The following RYR3 variants were observed in gnomAD, a reference collection of about 807,000 sequenced individuals.
RYR3 encodes ryanodine receptor 3.
RYR3 carries 207 observed loss-of-function variants against 584.3 expected under a neutral mutation model. The observed-to-expected ratio is 0.35, with a 90% CI of 0.32 to 0.40. The LOEUF (loss-of-function observed/expected upper bound fraction) is 0.40. RYR3 is among the 10% of genes least tolerant of loss of function. The pLI, the probability that RYR3 is intolerant of heterozygous loss-of-function variation, is 1.00. For missense variants in RYR3, 5,616 were observed against 6,089.2 expected (o/e 0.92, Z 2.59); for synonymous variants, 2,416 against 2,248.5 (o/e 1.07, Z -2.11).
At chr15:33,687,130 C>T (rs1596156077) in intron 38 of RYR3, among the ~76,000 whole-genome samples, 1 of 152,214 alleles carries the variant, frequency 6.6e-6, no homozygotes, top group East Asian at 1.9e-4. Context: ...TCAAATTGTC[C>T]CTGTTTGCCA....
chr15:33,497,546 A>G (rs2051548706), intron 2 of RYR3, among the ~76,000 whole-genome samples: 1 of 152,160 alleles, frequency 6.6e-6, no homozygotes, highest in Non-Finnish European at 1.5e-5. Context: ...CTCCTAATTT[A>G]TCTCTCTGCT....
At chr15:33,313,300 A>G (rs973287950) in intron 1 of RYR3, among the ~76,000 whole-genome samples, 1 of 152,216 alleles carries the variant, frequency 6.6e-6, no homozygotes, top group African/African-American at 2.4e-5. Context: ...AATTTTCATT[A>G]TACAATGTTC....
intron 2 of RYR3, among the ~76,000 whole-genome samples, chr15:33,498,919 T>G (rs940370788): frequency 6.6e-6 from 1 of 152,198 alleles, no homozygotes; most frequent in African/African-American, 2.4e-5. Context: ...CAGCACCATT[T>G]GTTGAAGAGA....
At chr15:33,746,020 G>A (rs555022622) in intron 52 of RYR3, 48 bp from the exon 53 acceptor site, 38 of 1,237,348 alleles carry the variant, frequency 3.1e-5, no homozygotes, top group African/African-American at 2.4e-4. Context: ...GTCACATAGC[G>A]GGGTTCTTTG....
rs143018457 is a variant in RYR3 at position 33,596,043 on chromosome 15, T to C, written c.1789-5376T>C. 6.2e-3 allele frequency among the ~76,000 whole-genome samples: 930 copies of C among 151,126 alleles called. 6 individuals carry two copies. Among genetic ancestry groups the C allele is most frequent in the African/African-American group, 0.017 (715 of 41,242 alleles). ...ATTTACCATACAAGATTCTTTCTTA[T>C]ATAAAATTATTTCTCTTTAAGTTTT... is the stretch of plus-strand genomic sequence containing the variant. On this transcript the variant is annotated intron_variant, in intron 16 of 103. Coordinates refer to ENST00000634891, the MANE Select transcript of RYR3 (RefSeq NM_001036.6).
At chr15:33,864,284 C>A in intron 103 of RYR3, 95 bp downstream of exon 103, 1 of 919,330 alleles carries the variant, frequency 1.1e-6, no homozygotes, top group South Asian at 1.6e-5. Context: ...CATACATGGC[C>A]CCATTAATCC....
At position 33,705,324 on chromosome 15, in the gene RYR3, C is replaced by T. The variant is rs146152581; in HGVS notation, c.6484-1595C>T. ...GTGATAGATTCTTGCTGAGTTTGGC[C>T]TTATTTTTATTATACTTGCAAAATA... On this transcript the variant is annotated intron_variant, in intron 42 of 103. Coordinates refer to ENST00000634891, the MANE Select transcript of RYR3 (RefSeq NM_001036.6). 7.9e-5 allele frequency among the ~76,000 whole-genome samples: 12 copies of T among 152,146 alleles called. No homozygotes were observed. In the East Asian group the frequency reaches 2.3e-3, roughly 29 times the overall value.
chr15:33,766,517 G>C (rs1179133130), intron 60 of RYR3, among the ~76,000 whole-genome samples: 1 of 152,204 alleles, frequency 6.6e-6, no homozygotes, highest in Non-Finnish European at 1.5e-5. Context: ...GAGATATTCA[G>C]ATAATCCAAC....
chr15:33,488,701 A>C (rs1027651710), intron 2 of RYR3, among the ~76,000 whole-genome samples: 1 of 152,008 alleles, frequency 6.6e-6, no homozygotes. Context: ...AAATACAAAA[A>C]ATTAGCCAGG....
chr15:33,765,027 T>G (rs1351929991), intron 60 of RYR3, among the ~76,000 whole-genome samples: 2 of 18,356 alleles, frequency 1.1e-4, no homozygotes, highest in Admixed American at 6.7e-4. Flanking sequence ...CAAGACTTCG[T>G]CTCAAAAAAA....
At chr15:33,367,680 T>G (rs1975698396) in intron 1 of RYR3, among the ~76,000 whole-genome samples, 2 of 152,150 alleles carry the variant, frequency 1.3e-5, no homozygotes, top group African/African-American at 2.4e-5. Flanking sequence ...ACACTATGAT[T>G]TCAAAACAAA....
chr15:33,738,254 CAAGCTGACTGTTCCCAGCTTGA>C, intron 49 of RYR3, among the ~76,000 whole-genome samples, 174 bp from the exon 50 acceptor site: 1 of 152,272 alleles, frequency 6.6e-6, no homozygotes, highest in South Asian at 2.1e-4. Flanking sequence ...CGCTCAGGCT[CAAGCTGACTGTTCCCAGCTTGA>C]GAGCAGACTG....
At position 33,473,445 on chromosome 15, in the gene RYR3, C is replaced by T. The variant is rs199968653; in HGVS notation, c.78C>T (p.Ile26=). 2.3e-5 allele frequency: 37 copies of T among 1,613,742 alleles called. No individual in the cohort carries two copies. Among genetic ancestry groups the T allele is most frequent in the South Asian group, 5.5e-5 (5 of 91,088 alleles). The part of the protein sequence containing the change: ...RTEDEVVLQC[I]ATIHKEQRKF... The stretch of plus-strand genomic sequence containing the variant: ...AGGATGAAGTGGTACTCCAGTGCAT[C>T]GCCACCATTCATAAGGAGCAGAGGA... The change falls in exon 2 of 104, where the codon ATC becomes ATT. Residue 26 remains isoleucine, a synonymous_variant. Transcript: ENST00000634891.
At chr15:33,427,559 G>A (rs1006665642) in intron 1 of RYR3, among the ~76,000 whole-genome samples, 1 of 152,026 alleles carries the variant, frequency 6.6e-6, no homozygotes, top group African/African-American at 2.4e-5. Context: ...TTCTCGTTTT[G>A]AAAAATACTT....
intron 99 of RYR3, 181 bp downstream of exon 99, chr15:33,858,095 G>A: frequency 1.2e-6 from 1 of 810,128 alleles, no homozygotes; most frequent in Non-Finnish European, 1.9e-6. Context: ...GTCCTGGGAA[G>A]ACAGAAGTGA....
intron 18 of RYR3, 45 bp downstream of exon 18, chr15:33,603,409 GA>G (rs1178368105): frequency 6.7e-7 from 1 of 1,503,392 alleles, no homozygotes; most frequent in East Asian, 2.3e-5. Flanking sequence ...CACTGGAAAT[GA>G]TGGAGGCTCA....
rs1051400535 is a variant in RYR3, at chr15:33,854,311, A to T, written c.13800-78A>T. 41 of 1,200,204 alleles carry T rather than the reference A, an allele frequency of 3.4e-5. No homozygotes were observed. The African/African-American group carries it at 5.9e-4, about 17-fold the overall frequency. 74.3% of individuals were successfully genotyped at this position (1,200,204 alleles called of 1,614,324 possible). ...TAGGTTATTAAACCTGAGAGAAAAA[A>T]CTTACTTTTTCCCCCTTATTGAGCA... On this transcript the variant is annotated intron_variant, in intron 96 of 103. Transcript: ENST00000634891.
At chr15:33,713,191 G>C (rs1482396476) in intron 43 of RYR3, among the ~76,000 whole-genome samples, 1 of 152,132 alleles carries the variant, frequency 6.6e-6, no homozygotes, top group Non-Finnish European at 1.5e-5. Context: ...ATTCATGGTG[G>C]GTGATGGTAG....
intron 1 of RYR3, among the ~76,000 whole-genome samples, chr15:33,356,614 A>G (rs747551458): frequency 1.3e-5 from 2 of 152,250 alleles, no homozygotes; most frequent in Non-Finnish European, 2.9e-5. Flanking sequence ...TAAAATGAGA[A>G]TGATTATAGA....
Sources: gnomAD v4.1 joint callset for allele counts (sites outside exome capture counted in the v4.1 genomes callset) on GRCh38, gnomAD v4.1.1 for gene constraint, MANE v1.5 for transcripts, NCBI Gene and HGNC (gene_info 2026-07-23, HGNC 2026-07-21) for gene names.